Variants in NWD2 observed in about 807,000 individuals in gnomAD.
NWD2 encodes NACHT and WD repeat domain-containing protein 2.
A neutral mutation model predicts 132.7 loss-of-function variants in NWD2; 37 were observed. The ratio of observed to expected loss-of-function variants is 0.28; its 90% CI spans 0.21 to 0.37. The LOEUF is 0.37. Ranked by LOEUF, NWD2 falls within the 10% of genes least tolerant of loss-of-function variation. NWD2 has a pLI of 1.00. For missense variants in NWD2, 1,592 were observed against 2,122.4 expected, an observed-to-expected ratio of 0.75 and a Z score of 4.91; for synonymous variants, 705 against 803.0, an observed-to-expected ratio of 0.88 and a Z score of 2.06.
intron 3 of NWD2, among the ~76,000 whole-genome samples, chr4:37,360,311 A>G (rs944351934): frequency 4.6e-5 from 7 of 152,318 alleles, no homozygotes; most frequent in Non-Finnish European, 7.4e-5. Flanking sequence ...TTTCATTTAT[A>G]TTAGGCATTT....
At chr4:37,410,286 T>C (rs1721127785) in intron 3 of NWD2, among the ~76,000 whole-genome samples, 1 of 151,684 alleles carries the variant, frequency 6.6e-6, no homozygotes, top group East Asian at 1.9e-4. Flanking sequence ...ACACATAGGC[T>C]CAAAATAAAG....
intron 3 of NWD2, among the ~76,000 whole-genome samples, chr4:37,409,822 AC>A (rs1721119364): frequency 6.6e-6 from 1 of 152,250 alleles, no homozygotes; most frequent in Non-Finnish European, 1.5e-5. Context: ...CAGAAAGCCT[AC>A]AAGCCAGAAA....
At chr4:37,361,741 C>T (rs529094754) in intron 3 of NWD2, among the ~76,000 whole-genome samples, 3 of 152,300 alleles carry the variant, frequency 2.0e-5, no homozygotes, top group Non-Finnish European at 2.9e-5. Context: ...GAACTGGAAG[C>T]ATTCCCCTTG....
At chr4:37,254,572 A>G (rs1006172573) in intron 1 of NWD2, among the ~76,000 whole-genome samples, 1 of 152,192 alleles carries the variant, frequency 6.6e-6, no homozygotes, top group African/African-American at 2.4e-5. Flanking sequence ...TCAGTGTAGA[A>G]GGAAATGTGA....
At chr4:37,437,038 T>G (rs1342107640) in intron 5 of NWD2, among the ~76,000 whole-genome samples, 1 of 152,090 alleles carries the variant, frequency 6.6e-6, no homozygotes, top group Non-Finnish European at 1.5e-5. Flanking sequence ...ACTGAAAAAA[T>G]ATTATCACAA....
At chr4:37,415,126 T>C (rs903199151) in intron 3 of NWD2, among the ~76,000 whole-genome samples, 17 of 152,332 alleles carry the variant, frequency 1.1e-4, no homozygotes, top group Non-Finnish European at 2.2e-4. Context: ...TTTAAAGAGT[T>C]TTTAAGATAT....
rs1214155340 is a variant in NWD2 at position 37,446,251 on chromosome 4, C to G, written c.4263C>G (p.Ser1421=). 6.4e-7 allele frequency: 1 copy of G among 1,551,622 alleles called. No homozygotes were observed. The highest frequency in any genetic ancestry group is 8.7e-7 in the Non-Finnish European group (1 of 1,146,986). Residue 1421 remains serine, a synonymous_variant, in exon 7 of 7, where the codon TCC becomes TCG. Transcript: ENST00000309447. The surrounding 1 kb of genome is among the most constrained non-coding windows in gnomAD (Gnocchi z 6.7). ...FVVSLCEENA[S]RVWRLATGHR... ...TCTCGCTCTGTGAGGAAAATGCCTC[C>G]AGGGTTTGGAGGCTCGCCACAGGCC...
chr4:37,256,632 C>T (rs570527442), intron 1 of NWD2, among the ~76,000 whole-genome samples: 1 of 152,260 alleles, frequency 6.6e-6, no homozygotes, highest in East Asian at 1.9e-4. Flanking sequence ...CTGCTACCGA[C>T]ACTGAAAAGG....
intron 6 of NWD2, among the ~76,000 whole-genome samples, chr4:37,442,992 C>T (rs1482120348): frequency 2.0e-5 from 3 of 151,758 alleles, no homozygotes; most frequent in Admixed American, 2.0e-4. Flanking sequence ...TCATGAAACA[C>T]CTTGTATCTT....
At chr4:37,323,682 T>C (rs970234006) in intron 1 of NWD2, among the ~76,000 whole-genome samples, 3 of 152,170 alleles carry the variant, frequency 2.0e-5, no homozygotes, top group African/African-American at 7.2e-5. Context: ...GCAATCCCAT[T>C]GCTAGATGTA....
At chr4:37,378,659 C>T (rs1215402636) in intron 3 of NWD2, among the ~76,000 whole-genome samples, 3 of 152,022 alleles carry the variant, frequency 2.0e-5, no homozygotes, top group Non-Finnish European at 2.9e-5. Context: ...GACCTTTGAG[C>T]CAGAAGAACT....
In NWD2 at chr4:37,371,072, C is replaced by CTTTTTTTTTTTTTTTTTTTTT. The variant is rs1309185055; in HGVS notation, c.357+14595_357+14596insTTTTTTTTTTTTTTTTTTTTT. 2.0e-5 allele frequency among the ~76,000 whole-genome samples: 2 copies of CTTTTTTTTTTTTTTTTTTTTT among 100,526 alleles called. 1 individual carries two copies. Among genetic ancestry groups the CTTTTTTTTTTTTTTTTTTTTT allele is most frequent in the Non-Finnish European group, 3.7e-5 (2 of 53,620 alleles). The allele number at this position is 100,526 out of a possible 152,430, so 65.9% of individuals were successfully genotyped here. A position where few individuals can be genotyped will look rare whatever the true frequency, so the allele number is the denominator to read the frequency against. ...TGCCAAAGAAGTTCAATTTTTTTTTCTTTTTCTTTTTTTTTTTTTTTTTGA... is the reference window on the plus strand; with the variant it reads ...TGCCAAAGAAGTTCAATTTTTTTTTCTTTTTTTTTTTTTTTTTTTTTTTTTTCTTTTTTTTTTTTTTTTTGA... On this transcript the variant is annotated intron_variant, in intron 3 of 6. Coordinates refer to ENST00000309447, the MANE Select transcript of NWD2 (RefSeq NM_001144990.2).
chr4:37,411,100 C>A (rs1180999863), intron 3 of NWD2, among the ~76,000 whole-genome samples: 2 of 152,038 alleles, frequency 1.3e-5, no homozygotes, highest in Non-Finnish European at 2.9e-5. Context: ...GAAGCAACAG[C>A]AAACAAATTC....
intron 2 of NWD2, among the ~76,000 whole-genome samples, chr4:37,343,675 T>C (rs1231078572): frequency 1.3e-5 from 2 of 152,162 alleles, no homozygotes; most frequent in Non-Finnish European, 2.9e-5. Context: ...TATTCTATGG[T>C]GTGGGAAAAT....
intron 3 of NWD2, among the ~76,000 whole-genome samples, chr4:37,416,561 T>C (rs1711603463): frequency 6.6e-6 from 1 of 152,110 alleles, no homozygotes; most frequent in Non-Finnish European, 1.5e-5. Context: ...CCTAAGGAAC[T>C]AAAAGTAGAT....
Position 37,447,901 on chromosome 4 carries a change from A to G in NWD2, c.*684A>G, listed in dbSNP as rs1013089389. The G allele has an allele frequency of 1.3e-4, 20 of 152,346 alleles. No homozygotes were observed. Among genetic ancestry groups the G allele is most frequent in the Admixed American group, 1.1e-3 (17 of 15,302 alleles). The allele number at this position is 152,346 out of a possible 1,614,324, so 9.4% of individuals were successfully genotyped here. ...CAATTGCATGCGAGGGTTTCTGTAT[A>G]ACAGAATATATGATTTTTAAACTAT... On this transcript the variant is annotated 3_prime_UTR_variant, in exon 7 of 7. Coordinates refer to ENST00000309447, the MANE Select transcript of NWD2 (RefSeq NM_001144990.2).
At chr4:37,418,422 C>T (rs1052127356) in intron 3 of NWD2, among the ~76,000 whole-genome samples, 4 of 152,028 alleles carry the variant, frequency 2.6e-5, no homozygotes, top group African/African-American at 9.7e-5. Context: ...GGGGGCATAA[C>T]TCTCACCCTT....
chr4:37,411,355 C>T (rs1465305979), intron 3 of NWD2, among the ~76,000 whole-genome samples: 2 of 152,164 alleles, frequency 1.3e-5, no homozygotes, highest in Admixed American at 1.3e-4. Flanking sequence ...ACTATAAACA[C>T]CTCTATGCAA....
At chr4:37,435,812 T>A (rs1468282302) in intron 5 of NWD2, among the ~76,000 whole-genome samples, 3 of 152,122 alleles carry the variant, frequency 2.0e-5, no homozygotes, top group Non-Finnish European at 2.9e-5. Flanking sequence ...TGGGGTTATA[T>A]CTCCTGAAGA....
Sources: allele counts gnomAD v4.1 joint callset (sites outside exome capture counted in the v4.1 genomes callset), GRCh38; gene constraint gnomAD v4.1.1; non-coding constraint Gnocchi (gnomAD v3.1); transcripts MANE v1.5; gene names NCBI Gene and HGNC (gene_info 2026-07-23, HGNC 2026-07-21).